Variants in PTPRQ observed in about 807,000 individuals in gnomAD.
PTPRQ encodes the protein phosphatidylinositol phosphatase PTPRQ.
PTPRQ carries 199 observed loss-of-function variants against 246.0 expected under a neutral mutation model. The ratio of observed to expected loss-of-function variants is 0.81; its 90% CI spans 0.72 to 0.91. PTPRQ has a LOEUF of 0.91. PTPRQ is among the 40% of genes least tolerant of loss of function. PTPRQ has a pLI of 0.00. For synonymous variants in PTPRQ, 869 were observed against 853.2 expected (o/e 1.02, Z -0.32); for missense variants, 2,624 against 2,528.4 (o/e 1.04, Z -0.81).
At chr12:80,505,957 A>T in intron 14 of PTPRQ, 67 bp from the exon 15 acceptor site, 1 of 1,483,870 alleles carries the variant, frequency 6.7e-7, no homozygotes, top group South Asian at 1.4e-5. Flanking sequence ...CACTTCAGTG[A>T]CAATTTCAGC....
chr12:80,640,441 T>G (rs1306649378), intron 35 of PTPRQ, among the ~76,000 whole-genome samples: 1 of 152,202 alleles, frequency 6.6e-6, no homozygotes, highest in African/African-American at 2.4e-5. Flanking sequence ...TGGCAAAAAT[T>G]TGTGAATTCG....
At chr12:80,671,981 C>G (rs530412319) in intron 42 of PTPRQ, among the ~76,000 whole-genome samples, 1 of 152,196 alleles carries the variant, frequency 6.6e-6, no homozygotes, top group African/African-American at 2.4e-5. Flanking sequence ...CTTCTTCTGG[C>G]TACCATGATC....
chr12:80,496,119 A>G lies in PTPRQ; in HGVS notation c.1990+13A>G, dbSNP rs1412449472. 8 of 1,544,978 alleles carry G rather than the reference A, an allele frequency of 5.2e-6. No individual in the cohort carries two copies. In the South Asian group the frequency reaches 9.7e-5, roughly 19 times the overall value. ...ACTTCAGAAGATGGTAAGAATATCAATTGCAGCTTTAATTTTTTTAAAAAA... is the reference window on the plus strand; with the variant it reads ...ACTTCAGAAGATGGTAAGAATATCAGTTGCAGCTTTAATTTTTTTAAAAAA... On this transcript the variant is annotated intron_variant, in intron 13 of 44. Coordinates refer to ENST00000644991, the MANE Select transcript of PTPRQ (RefSeq NM_001145026.2).
At chr12:80,657,880 A>T (rs1900495923) in intron 38 of PTPRQ, 105 bp from the exon 39 acceptor site, 1 of 792,614 alleles carries the variant, frequency 1.3e-6, no homozygotes, top group Non-Finnish European at 1.8e-6. Flanking sequence ...CCATCTGTGA[A>T]ATTGGAATGT....
chr12:80,559,545 A>G (rs184181268), intron 25 of PTPRQ, among the ~76,000 whole-genome samples: 1 of 152,248 alleles, frequency 6.6e-6, no homozygotes, highest in East Asian at 1.9e-4. Context: ...GCTTGAAACT[A>G]TGCTTGTTAA....
chr12:80,468,901 A>G lies in PTPRQ; in HGVS notation c.1039+63A>G, dbSNP rs1350432015. On this transcript the variant is annotated intron_variant, in intron 7 of 44. Transcript: ENST00000644991. ...GAGAATAATAAAATATGTTACCAAT[A>G]TCAAACTCTGTTTAAAAGTATCAGA... 9.3e-6 allele frequency: 14 copies of G among 1,510,996 alleles called. No individual in the cohort carries two copies. In the South Asian group the frequency reaches 1.2e-4, roughly 13 times the overall value. 93.6% of individuals were successfully genotyped at this position (1,510,996 alleles called of 1,614,324 possible).
At chr12:80,575,960 C>G (rs1470686262) in intron 25 of PTPRQ, among the ~76,000 whole-genome samples, 1 of 152,082 alleles carries the variant, frequency 6.6e-6, no homozygotes, top group Non-Finnish European at 1.5e-5. Flanking sequence ...CTCACACCAT[C>G]CTTTGAGCCT....
intron 19 of PTPRQ, among the ~76,000 whole-genome samples, chr12:80,539,541 C>G (rs1896085882): frequency 6.6e-6 from 1 of 151,952 alleles, no homozygotes; most frequent in Admixed American, 6.6e-5. Context: ...AGTTTTTATT[C>G]TTTGCTATTT....
At chr12:80,525,736 T>C (rs1177916243) in intron 17 of PTPRQ, among the ~76,000 whole-genome samples, 1 of 152,052 alleles carries the variant, frequency 6.6e-6, no homozygotes, top group Non-Finnish European at 1.5e-5. Flanking sequence ...GTTCTACTTA[T>C]AAGAAGTCAA....
At chr12:80,581,793 A>G (rs943010493) in intron 25 of PTPRQ, among the ~76,000 whole-genome samples, 1 of 152,220 alleles carries the variant, frequency 6.6e-6, no homozygotes, top group African/African-American at 2.4e-5. Context: ...CCCAATAGAA[A>G]AAAAAGTAGA....
At chr12:80,550,248 C>A (rs118131959) in intron 25 of PTPRQ, among the ~76,000 whole-genome samples, 1 of 152,264 alleles carries the variant, frequency 6.6e-6, no homozygotes, top group African/African-American at 2.4e-5. Flanking sequence ...CCTTCCCTAG[C>A]AGTGCTCTGT....
chr12:80,495,013 G>A lies in PTPRQ; in HGVS notation c.1621G>A (p.Glu541Lys), dbSNP rs1358272939. 1 of 1,550,464 alleles carries A rather than the reference G, an allele frequency of 6.4e-7. No individual in the cohort carries two copies. Among genetic ancestry groups the A allele is most frequent in the Non-Finnish European group, 8.7e-7 (1 of 1,146,236 alleles). Residue 541 changes from glutamate (E) to lysine (K), a missense_variant, in exon 11 of 45, where the codon GAG (glutamate) becomes AAG (lysine). Coordinates refer to ENST00000644991, the MANE Select transcript of PTPRQ (RefSeq NM_001145026.2). ...YVIRRLVPFT[E>K]HMISVSAFTI... ...TATCAGGAGACTTGTACCTTTCACT[G>A]AGCACATGATTAGTGTATCTGCTTT... is the stretch of plus-strand genomic sequence containing the variant.
At chr12:80,623,630 C>A (rs1227153663) in intron 33 of PTPRQ, among the ~76,000 whole-genome samples, 1 of 152,060 alleles carries the variant, frequency 6.6e-6, no homozygotes, top group Non-Finnish European at 1.5e-5. Flanking sequence ...GGTAAAAGAC[C>A]TAGACAAGAT....
In PTPRQ at chr12:80,468,581, A is replaced by C. The variant is rs902641360; in HGVS notation, c.911-129A>C. On this transcript the variant is annotated intron_variant, in intron 6 of 44. Transcript: ENST00000644991. ...ATTCCATTTATTCTTTTTTAAGATA[A>C]AAAAACTCTGCTTTTAAGCGCGATA... The C allele has an allele frequency of 1.8e-5, 17 of 936,136 alleles. No homozygotes were observed. The East Asian group carries it at 4.6e-4, about 25-fold the overall frequency. The allele number at this position is 936,136 out of a possible 1,614,324, so 58.0% of individuals were successfully genotyped here. A position where few individuals can be genotyped will look rare whatever the true frequency, so the allele number is the denominator to read the frequency against.
At position 80,493,320 on chromosome 12, in the gene PTPRQ, C is replaced by T. The variant is rs2120645081; in HGVS notation, c.1405C>T (p.Pro469Ser). Residue 469 changes from proline to serine, a missense_variant, in exon 10 of 45, where the codon CCA becomes TCA. Pro to Ser is a moderately conservative substitution (Grantham distance 74). Coordinates refer to ENST00000644991, the MANE Select transcript of PTPRQ (RefSeq NM_001145026.2). ...TCCAGAAATTGTGAACATAGTAGAG[C>T]CAATGGTAGGATTATATGAGGGTTC... ...MAPEIVNIVE[P>S]MVGLYEGSAE... 1.3e-6 allele frequency: 2 copies of T among 1,547,952 alleles called. No homozygotes were observed. The highest frequency in any genetic ancestry group is 1.2e-5 in the South Asian group (1 of 83,524).
At chr12:80,539,994 T>C (rs746710944) in intron 20 of PTPRQ, 50 bp downstream of exon 20, 28 of 1,360,484 alleles carry the variant, frequency 2.1e-5, no homozygotes, top group South Asian at 1.1e-4. Context: ...TTAAAACTTA[T>C]TATTTTAGGA....
chr12:80,526,153 A>G (rs1895679399), intron 17 of PTPRQ, among the ~76,000 whole-genome samples: 2 of 152,164 alleles, frequency 1.3e-5, no homozygotes, highest in Admixed American at 6.6e-5. Flanking sequence ...TTTCTCTGGT[A>G]TATGGATCTT....
At chr12:80,521,245 G>T (rs1895474225) in intron 17 of PTPRQ, among the ~76,000 whole-genome samples, 1 of 152,086 alleles carries the variant, frequency 6.6e-6, no homozygotes, top group South Asian at 2.1e-4. Context: ...TGAGTTCTTT[G>T]TAGATTCTGG....
intron 27 of PTPRQ, among the ~76,000 whole-genome samples, chr12:80,606,020 A>G (rs1185373240): frequency 7.3e-5 from 11 of 151,164 alleles, no homozygotes; most frequent in African/African-American, 2.2e-4. Flanking sequence ...ATCTAAACCT[A>G]TAGAATTTGG....
Sources: allele counts gnomAD v4.1 joint callset (sites outside exome capture counted in the v4.1 genomes callset), GRCh38; gene constraint gnomAD v4.1.1; transcripts MANE v1.5; gene names NCBI Gene and HGNC (gene_info 2026-07-23, HGNC 2026-07-21).